The following FSD2 variants were observed in gnomAD, a reference collection of about 807,000 sequenced individuals.
FSD2 encodes fibronectin type III and SPRY domain-containing protein 2.
In FSD2, 71 loss-of-function variants were observed where a neutral mutation model predicts 80.4. The ratio of observed to expected loss-of-function variants is 0.88; its 90% CI spans 0.73 to 1.08. The LOEUF (loss-of-function observed/expected upper bound fraction) is 1.08, where lower values mean the gene tolerates loss of function less well. Among genes scored for constraint, FSD2 ranks in the 50% least tolerant of loss-of-function variants. FSD2 has a pLI of 0.00. For missense variants in FSD2, 923 were observed against 913.8 expected (o/e 1.01, Z -0.13); for synonymous variants, 361 against 329.5 (o/e 1.10, Z -1.03).
At position 82,787,081 on chromosome 15, in the gene FSD2, G is replaced by T. The variant is rs2050019195; in HGVS notation, c.310C>A (p.Pro104Thr). Residue 104 changes from proline to threonine, a missense_variant, in exon 2 of 13, where the codon CCT becomes ACT. Physicochemically the swap from Pro to Thr is conservative, Grantham distance 38. Transcript: ENST00000334574. ...TCTCTCCTCTTCATCATATAAGGAGGATATTCTGAAACCCCTGTTCTGGGT... is the reference window on the plus strand; with the variant it reads ...TCTCTCCTCTTCATCATATAAGGAGTATATTCTGAAACCCCTGTTCTGGGT... ...NIPRTGVSEY[P>T]PYMMKRRDPA... The T allele has an allele frequency of 2.5e-6, 4 of 1,613,936 alleles. No individual in the cohort carries two copies. Among genetic ancestry groups the T allele is most frequent in the Non-Finnish European group, 3.4e-6 (4 of 1,179,882 alleles).
At chr15:82,771,751 G>T (rs1250404181) in intron 7 of FSD2, among the ~76,000 whole-genome samples, 1 of 152,216 alleles carries the variant, frequency 6.6e-6, no homozygotes. Flanking sequence ...AACCCAGCCA[G>T]CCCAGCAGGG....
chr15:82,772,735 C>T (rs1371042594), intron 6 of FSD2, among the ~76,000 whole-genome samples: 1 of 152,222 alleles, frequency 6.6e-6, no homozygotes, highest in African/African-American at 2.4e-5. Flanking sequence ...AGTCCATCTA[C>T]TAAGTTAATT....
rs2050010734 is a variant in FSD2 at position 82,786,827 on chromosome 15, T to A, written c.564A>T (p.Arg188Ser). 1 of 1,613,996 alleles carries A rather than the reference T, an allele frequency of 6.2e-7. No individual in the cohort carries two copies. Among genetic ancestry groups the A allele is most frequent in the Non-Finnish European group, 8.5e-7 (1 of 1,179,888 alleles). Residue 188 changes from arginine to serine, a missense_variant, in exon 2 of 13, where the codon AGA becomes AGT. By Grantham distance (110) the Arg-to-Ser change is moderately radical (BLOSUM62 -1). Coordinates refer to ENST00000334574, the MANE Select transcript of FSD2 (RefSeq NM_001007122.4). The part of the protein sequence containing the change: ...VFCVTCKTPI[R>S]AFQKVFDEHK... ...GTTCATCAAAAACCTTCTGAAAAGC[T>A]CTTATTGGAGTCTTACAAGTGACAC...
intron 1 of FSD2, among the ~76,000 whole-genome samples, chr15:82,797,037 A>C (rs200540247): frequency 0.16 from 24,208 of 146,904 alleles, 2,241 homozygotes; most frequent in East Asian, 0.25. Flanking sequence ...AAAAAAAAAA[A>C]AAAACACCTC....
chr15:82,803,074 G>T (rs188346006), intron 1 of FSD2, among the ~76,000 whole-genome samples: 1 of 152,008 alleles, frequency 6.6e-6, no homozygotes, highest in South Asian at 2.1e-4. Flanking sequence ...AGTGACTAAG[G>T]GATTATTACC....
intron 1 of FSD2, among the ~76,000 whole-genome samples, chr15:82,792,355 C>T (rs2050171963): frequency 6.6e-6 from 1 of 152,142 alleles, no homozygotes; most frequent in Admixed American, 6.6e-5. Context: ...ATTTGCATGT[C>T]CCTGATGAAT....
Position 82,759,541 on chromosome 15 carries a change from G to T in FSD2, c.2057C>A (p.Pro686Gln). 6.2e-7 allele frequency: 1 copy of T among 1,606,850 alleles called. No homozygotes were observed. The highest frequency in any genetic ancestry group is 1.3e-5 in the African/African-American group (1 of 74,960). ...TTPDIRITVP[P>Q]KKIGILLDYE... ...GTCTAATAGAATGCCAATCTTCTTTGGTGGAACTGTTATTCTTATATCTGG... is the reference window on the plus strand; with the variant it reads ...GTCTAATAGAATGCCAATCTTCTTTTGTGGAACTGTTATTCTTATATCTGG... The change falls in exon 13 of 13, where the codon CCA (proline) becomes CAA (glutamine). Residue 686 changes from proline (P) to glutamine (Q), a missense_variant. Pro to Gln is a moderately conservative substitution (Grantham distance 76). Transcript: ENST00000334574.
chr15:82,759,109 C>G lies in FSD2; in HGVS notation c.*239G>C, dbSNP rs2049228657. On this transcript the variant is annotated 3_prime_UTR_variant, in exon 13 of 13. Transcript: ENST00000334574. ...TCAAAGACTTTTGAGTTCGTTTAGT[C>G]TGAGCCTTTATTTTACAGCTGGGCC... 2.0e-6 allele frequency: 1 copy of G among 500,236 alleles called. No homozygotes were observed. The allele number at this position is 500,236 out of a possible 1,614,324, so 31.0% of individuals were successfully genotyped here.
chr15:82,796,000 C>CTTTTTTTTTTTTTTTTT (rs143711664), intron 1 of FSD2, among the ~76,000 whole-genome samples: 16 of 117,470 alleles, frequency 1.4e-4, no homozygotes, highest in South Asian at 2.8e-4. Context: ...TTTTTCTTTT[C>CTTTTTTTTTTTTTTTTT]TTTTTTTTTT....
At chr15:82,765,832 C>T in intron 10 of FSD2, 66 bp downstream of exon 10, 1 of 1,521,282 alleles carries the variant, frequency 6.6e-7, no homozygotes, top group Non-Finnish European at 8.8e-7. Context: ...GAAGTCATAG[C>T]AGCACTGGGT....
chr15:82,768,767 T>C (rs910881000), intron 9 of FSD2, 113 bp downstream of exon 9: 90 of 1,045,504 alleles, frequency 8.6e-5, no homozygotes, highest in Non-Finnish European at 1.1e-4. Flanking sequence ...AAAATTGAGA[T>C]TCCTGTGTAT....
chr15:82,798,142 C>T (rs1225248913), intron 1 of FSD2, among the ~76,000 whole-genome samples: 1 of 151,994 alleles, frequency 6.6e-6, no homozygotes, highest in Non-Finnish European at 1.5e-5. Flanking sequence ...AGTTCGAGAC[C>T]AGCCTGGGCA....
Position 82,759,146 on chromosome 15 carries a change from A to T in FSD2, c.*202T>A. On this transcript the variant is annotated 3_prime_UTR_variant, in exon 13 of 13. Coordinates refer to ENST00000334574, the MANE Select transcript of FSD2 (RefSeq NM_001007122.4). ...TTTACAGCTGGGCCTGGTAATGACTATCCTAGCAGCACACAGGTAGCAGCA... is the reference window on the plus strand; with the variant it reads ...TTTACAGCTGGGCCTGGTAATGACTTTCCTAGCAGCACACAGGTAGCAGCA... The T allele has an allele frequency of 3.4e-6, 2 of 583,278 alleles. No individual in the cohort carries two copies. Among genetic ancestry groups the T allele is most frequent in the Non-Finnish European group, 5.9e-6 (2 of 336,356 alleles). 36.1% of individuals were successfully genotyped at this position (583,278 alleles called of 1,614,324 possible). A position where few individuals can be genotyped will look rare whatever the true frequency, so the allele number is the denominator to read the frequency against.
intron 4 of FSD2, 45 bp downstream of exon 4, chr15:82,782,750 T>A: frequency 6.9e-7 from 1 of 1,454,102 alleles, no homozygotes; most frequent in South Asian, 1.2e-5. Flanking sequence ...TATAATTCCA[T>A]CTCTTTCCAT....
Position 82,785,336 on chromosome 15 carries a change from T to C in FSD2, c.735+1175A>G, listed in dbSNP as rs183596192. 1.3e-3 allele frequency among the ~76,000 whole-genome samples: 193 copies of C among 151,890 alleles called. 1 individual carries two copies. Among genetic ancestry groups the C allele is most frequent in the Non-Finnish European group, 2.4e-3 (160 of 67,992 alleles). ...ATTTATTTATTTATTTATTTATTTA[T>C]TTATTTGAGATGGAGTCTCGCTGTG... is the stretch of plus-strand genomic sequence containing the variant. On this transcript the variant is annotated intron_variant, in intron 3 of 12. Coordinates refer to ENST00000334574, the MANE Select transcript of FSD2 (RefSeq NM_001007122.4).
intron 11 of FSD2, among the ~76,000 whole-genome samples, chr15:82,763,359 C>T (rs2049334648): frequency 6.6e-6 from 1 of 152,188 alleles, no homozygotes; most frequent in African/African-American, 2.4e-5. Flanking sequence ...TTGATTCCTG[C>T]TTCAACCCTT....
At chr15:82,800,574 C>T (rs1217807679) in intron 1 of FSD2, among the ~76,000 whole-genome samples, 1 of 150,968 alleles carries the variant, frequency 6.6e-6, no homozygotes, top group Non-Finnish European at 1.5e-5. Context: ...TGCCTGTAAT[C>T]CCAGCTACTC....
intron 3 of FSD2, 45 bp downstream of exon 3, chr15:82,786,466 A>G: frequency 7.1e-7 from 1 of 1,405,950 alleles, no homozygotes; most frequent in Non-Finnish European, 1.0e-6. Context: ...ATAGCCATTG[A>G]TGGAAGAAAT....
chr15:82,766,470 A>C (rs1378607312), intron 9 of FSD2, among the ~76,000 whole-genome samples: 1 of 152,156 alleles, frequency 6.6e-6, no homozygotes, highest in East Asian at 1.9e-4. Flanking sequence ...AGCCAGGTGC[A>C]ATGGCTCATG....
Sources: allele counts gnomAD v4.1 joint callset (sites outside exome capture counted in the v4.1 genomes callset), GRCh38; gene constraint gnomAD v4.1.1; transcripts MANE v1.5; gene names NCBI Gene and HGNC (gene_info 2026-07-23, HGNC 2026-07-21).